The following KHDRBS2 variants were observed in gnomAD, a reference collection of about 807,000 sequenced individuals.
KHDRBS2 encodes the protein KH RNA binding domain containing, signal transduction associated 2.
KHDRBS2 carries 26 observed loss-of-function variants against 44.3 expected under a neutral mutation model. That is an observed-to-expected ratio of 0.59 (90% CI 0.43 to 0.81). The LOEUF (loss-of-function observed/expected upper bound fraction) is 0.81, where lower values mean the gene tolerates loss of function less well. KHDRBS2 is among the 40% of genes least tolerant of loss of function. The probability of loss-of-function intolerance (pLI) is 0.00; values close to 1 mark genes in which losing one functional copy is unlikely to be tolerated. For synonymous variants in KHDRBS2, 194 were observed against 151.1 expected, an observed-to-expected ratio of 1.28 and a Z score of -2.08; for missense variants, 476 against 433.1, an observed-to-expected ratio of 1.10 and a Z score of -0.88.
intron 2 of KHDRBS2, among the ~76,000 whole-genome samples, chr6:62,051,017 T>G (rs1428072715): frequency 2.0e-5 from 3 of 151,928 alleles, no homozygotes; most frequent in Non-Finnish European, 4.4e-5. Context: ...AAAGAATACA[T>G]TATGTTAGGT....
At chr6:61,658,044 AAT>A in the KHDRBS2 span, among the ~76,000 whole-genome samples, 2 of 151,920 alleles carry the variant, frequency 1.3e-5, no homozygotes, top group Admixed American at 6.6e-5. Flanking sequence ...TCAACAAACA[AAT>A]ATATATTATG....
the KHDRBS2 span, among the ~76,000 whole-genome samples, chr6:61,618,838 G>T: frequency 6.6e-6 from 1 of 152,150 alleles, no homozygotes; most frequent in Non-Finnish European, 1.5e-5. Flanking sequence ...CAGGGCATCT[G>T]CTGATATCTA....
At chr6:62,185,497 AT>A (rs1448898694) in intron 1 of KHDRBS2, among the ~76,000 whole-genome samples, 1 of 151,896 alleles carries the variant, frequency 6.6e-6, no homozygotes, top group Non-Finnish European at 1.5e-5. Flanking sequence ...ATAGAATCAT[AT>A]TTTCCTTTTT....
the KHDRBS2 span, among the ~76,000 whole-genome samples, chr6:61,545,920 C>CA: frequency 6.6e-6 from 1 of 152,204 alleles, no homozygotes; most frequent in African/African-American, 2.4e-5. Context: ...GGAGAGGCCT[C>CA]ACCAGAAAGA....
chr6:62,108,347 G>T (rs1294366130), intron 2 of KHDRBS2, among the ~76,000 whole-genome samples: 1 of 152,170 alleles, frequency 6.6e-6, no homozygotes, highest in Non-Finnish European at 1.5e-5. Context: ...ATGAAAAAAT[G>T]CTCACCATCA....
At chr6:61,657,855 C>A in the KHDRBS2 span, among the ~76,000 whole-genome samples, 1 of 151,928 alleles carries the variant, frequency 6.6e-6, no homozygotes. Flanking sequence ...TAAAAGCTTT[C>A]TCCTATAAGC....
intron 6 of KHDRBS2, among the ~76,000 whole-genome samples, chr6:61,811,212 G>C (rs1287878839): frequency 6.6e-6 from 1 of 151,930 alleles, no homozygotes; most frequent in Non-Finnish European, 1.5e-5. Flanking sequence ...GTGATATTTG[G>C]TTTCCTGTTT....
chr6:62,120,259 G>A (rs1402435047), intron 2 of KHDRBS2, among the ~76,000 whole-genome samples: 1 of 152,158 alleles, frequency 6.6e-6, no homozygotes, highest in African/African-American at 2.4e-5. Flanking sequence ...GAGATCCAAA[G>A]GCTTAGGAAC....
intron 6 of KHDRBS2, among the ~76,000 whole-genome samples, chr6:61,795,353 A>C (rs1340495992): frequency 4.6e-5 from 7 of 151,978 alleles, no homozygotes; most frequent in Non-Finnish European, 8.8e-5. Context: ...AAGCACTAAA[A>C]GGGAGGCATG....
At chr6:62,102,584 T>C (rs910211711) in intron 2 of KHDRBS2, among the ~76,000 whole-genome samples, 1 of 152,204 alleles carries the variant, frequency 6.6e-6, no homozygotes, top group East Asian at 1.9e-4. Flanking sequence ...CCGTTTCTGT[T>C]ACACTCTTTC....
At chr6:61,826,195 C>T (rs1432311214) in intron 6 of KHDRBS2, among the ~76,000 whole-genome samples, 1 of 151,996 alleles carries the variant, frequency 6.6e-6, no homozygotes, top group Non-Finnish European at 1.5e-5. Context: ...TTTTGCTTCC[C>T]ATAGTTAAAA....
At chr6:62,071,331 G>A (rs1192921604) in intron 2 of KHDRBS2, among the ~76,000 whole-genome samples, 1 of 152,122 alleles carries the variant, frequency 6.6e-6, no homozygotes, top group African/African-American at 2.4e-5. Flanking sequence ...CTGTGCAGAA[G>A]CTCTTGAGTT....
intron 2 of KHDRBS2, among the ~76,000 whole-genome samples, chr6:62,077,857 G>C (rs1796642696): frequency 6.6e-6 from 1 of 151,988 alleles, no homozygotes. Context: ...AGCAATATGA[G>C]ACTGAGGAGC....
chr6:61,972,957 C>A (rs1251381743), intron 4 of KHDRBS2, among the ~76,000 whole-genome samples: 2 of 152,082 alleles, frequency 1.3e-5, no homozygotes, highest in African/African-American at 2.4e-5. Flanking sequence ...ACCAGACTAG[C>A]CCACATGGCA....
chr6:61,765,684 G>GT (rs374014480), intron 6 of KHDRBS2, among the ~76,000 whole-genome samples: 16 of 151,904 alleles, frequency 1.1e-4, no homozygotes, highest in Non-Finnish European at 1.3e-4. Flanking sequence ...TTTTTTGAGG[G>GT]TTTTTTTAAA....
intron 6 of KHDRBS2, among the ~76,000 whole-genome samples, chr6:61,800,127 G>A (rs968380474): frequency 1.2e-4 from 19 of 152,072 alleles, no homozygotes; most frequent in African/African-American, 4.6e-4. Flanking sequence ...ACTTGTTCTA[G>A]TGTCTAGGAG....
intron 6 of KHDRBS2, among the ~76,000 whole-genome samples, chr6:61,821,705 C>T (rs902612056): frequency 7.9e-5 from 12 of 151,834 alleles, no homozygotes; most frequent in African/African-American, 2.4e-4. Context: ...CACTTATAAG[C>T]CTTGGAAACT....
chr6:62,133,829 C>A (rs1010077657), intron 2 of KHDRBS2, among the ~76,000 whole-genome samples: 20 of 152,132 alleles, frequency 1.3e-4, no homozygotes, highest in African/African-American at 4.3e-4. Context: ...AAGAGACTGG[C>A]AGCATTTTGC....
intron 1 of KHDRBS2, among the ~76,000 whole-genome samples, chr6:62,275,057 C>T (rs1031137385): frequency 1.3e-5 from 2 of 150,186 alleles, no homozygotes; most frequent in Admixed American, 6.7e-5. Flanking sequence ...ATATTCCACT[C>T]ATTTTACTCA....
Sources: gnomAD v4.1 joint callset for allele counts (sites outside exome capture counted in the v4.1 genomes callset) on GRCh38, gnomAD v4.1.1 for gene constraint, MANE v1.5 for transcripts, NCBI Gene and HGNC (gene_info 2026-07-23, HGNC 2026-07-21) for gene names.